USP47: variants seen among roughly 807,000 people sequenced by gnomAD.
USP47 encodes ubiquitin carboxyl-terminal hydrolase 47.
Under a neutral mutation model 165.1 loss-of-function variants are expected in USP47, and 35 were observed. That is an observed-to-expected ratio of 0.21 (90% CI 0.16 to 0.28). The LOEUF (loss-of-function observed/expected upper bound fraction) is 0.28. Among genes scored for constraint, USP47 ranks in the 10% least tolerant of loss-of-function variants. The pLI is 1.00. For synonymous variants in USP47, 531 were observed against 544.5 expected, an observed-to-expected ratio of 0.98 and a Z score of 0.35; for missense variants, 1,277 against 1,607.4, an observed-to-expected ratio of 0.79 and a Z score of 3.52.
chr11:11,852,986 A>G (rs891754112), intron 1 of USP47, among the ~76,000 whole-genome samples: 1 of 152,050 alleles, frequency 6.6e-6, no homozygotes, highest in African/African-American at 2.4e-5. Flanking sequence ...GTGGACTTTT[A>G]TTTTACATGA....
chr11:11,931,122 AG>A (rs1452983266), intron 14 of USP47, among the ~76,000 whole-genome samples: 2 of 152,078 alleles, frequency 1.3e-5, no homozygotes, highest in African/African-American at 4.8e-5. Flanking sequence ...ACAAATATCT[AG>A]GGGGGTGTGT....
In USP47 at chr11:11,957,165, C is replaced by G. The variant is rs1847240976; in HGVS notation, c.*990C>G. The G allele has an allele frequency of 6.6e-6, 1 of 152,128 alleles. No homozygotes were observed. The highest frequency in any genetic ancestry group is 2.1e-4 in the South Asian group (1 of 4,828). 9.4% of individuals were successfully genotyped at this position (152,128 alleles called of 1,614,324 possible). On this transcript the variant is annotated 3_prime_UTR_variant, in exon 28 of 28. Coordinates refer to ENST00000527733, the MANE Select transcript of USP47 (RefSeq NM_001282659.2). Reference sequence around the variant, plus strand: ...TACATCTAGTTTTGAAGATTTACTTCAAGTTTGAATCTTCTAGAATGCTTG... The same window carrying G: ...TACATCTAGTTTTGAAGATTTACTTGAAGTTTGAATCTTCTAGAATGCTTG...
intron 25 of USP47, among the ~76,000 whole-genome samples, chr11:11,953,191 G>C (rs1170039475): frequency 2.0e-5 from 3 of 152,002 alleles, no homozygotes; most frequent in Non-Finnish European, 4.4e-5. Flanking sequence ...AGAGTGAATT[G>C]CTTTATGTCT....
chr11:11,842,976 A>G (rs1448291086), intron 1 of USP47, among the ~76,000 whole-genome samples: 1 of 152,076 alleles, frequency 6.6e-6, no homozygotes, highest in African/African-American at 2.4e-5. Flanking sequence ...TTAGGGTAGA[A>G]TCCAGCACTG....
chr11:11,923,796 C>T (rs1194356255), intron 11 of USP47, among the ~76,000 whole-genome samples: 2 of 152,202 alleles, frequency 1.3e-5, no homozygotes, highest in East Asian at 3.8e-4. Context: ...CTGTTTCATT[C>T]AGGGCAGACA....
At chr11:11,953,384 C>T (rs1364196882) in intron 25 of USP47, among the ~76,000 whole-genome samples, 1 of 151,680 alleles carries the variant, frequency 6.6e-6, no homozygotes, top group Non-Finnish European at 1.5e-5. Flanking sequence ...AAAATAAATT[C>T]TAAATGTATT....
chr11:11,919,592 T>C (rs1236517150), intron 8 of USP47, among the ~76,000 whole-genome samples: 2 of 151,836 alleles, frequency 1.3e-5, no homozygotes, highest in Non-Finnish European at 3.0e-5. Context: ...CATTTCCAAA[T>C]GGAACAGTAT....
chr11:11,892,140 G>A (rs545259218), intron 4 of USP47, 34 bp downstream of exon 4: 525 of 1,592,420 alleles, frequency 3.3e-4, no homozygotes, highest in South Asian at 1.2e-3. Flanking sequence ...AAATCATAGG[G>A]CATTAGATCC....
chr11:11,928,462 T>G (rs367808243), intron 11 of USP47, among the ~76,000 whole-genome samples: 46 of 152,156 alleles, frequency 3.0e-4, no homozygotes, highest in African/African-American at 1.1e-3. Flanking sequence ...TAAGATAAAT[T>G]AGAATTTCTT....
chr11:11,878,468 A>G (rs906884662), intron 1 of USP47, among the ~76,000 whole-genome samples: 19 of 152,152 alleles, frequency 1.2e-4, no homozygotes, highest in African/African-American at 4.1e-4. Flanking sequence ...CAGCATTTTT[A>G]AAAAGATCTA....
intron 10 of USP47, among the ~76,000 whole-genome samples, chr11:11,922,291 C>G (rs913803243): frequency 2.0e-5 from 3 of 151,874 alleles, no homozygotes; most frequent in Admixed American, 2.0e-4. Context: ...ATCTGTAATA[C>G]CTAACGCACT....
chr11:11,852,299 C>A lies in USP47; in HGVS notation c.39+10075C>A, dbSNP rs1332148061. Among the ~76,000 whole-genome samples the A allele has an allele frequency of 4.6e-5, 7 of 151,950 alleles. No individual in the cohort carries two copies. The East Asian group carries it at 1.3e-3, about 29-fold the overall frequency. ...GAGGAGAATTTGTCCTTCCCCCCACCCCCATTTATTTACTTATTTATTTGT... is the reference window on the plus strand; with the variant it reads ...GAGGAGAATTTGTCCTTCCCCCCACACCCATTTATTTACTTATTTATTTGT... On this transcript the variant is annotated intron_variant, in intron 1 of 27. Transcript: ENST00000527733.
intron 5 of USP47, among the ~76,000 whole-genome samples, chr11:11,898,126 CGT>C (rs747874116): frequency 6.6e-6 from 1 of 150,878 alleles, no homozygotes; most frequent in Non-Finnish European, 1.5e-5. Flanking sequence ...GTTTCATGTG[CGT>C]GTGTGTGCGT....
chr11:11,904,858 T>A (rs755546636), intron 7 of USP47, among the ~76,000 whole-genome samples: 8 of 152,182 alleles, frequency 5.3e-5, no homozygotes, highest in Non-Finnish European at 7.4e-5. Flanking sequence ...AATTGTGTTA[T>A]GTATATTACT....
intron 21 of USP47, 23 bp downstream of exon 21, chr11:11,948,143 T>G (rs775128015): frequency 2.5e-6 from 4 of 1,592,016 alleles, no homozygotes; most frequent in Admixed American, 1.8e-5. Context: ...AATCTTCGAG[T>G]AGTTAGAGTC....
At chr11:11,877,805 CTG>C (rs10577564) in intron 1 of USP47, among the ~76,000 whole-genome samples, 430 of 71,104 alleles carry the variant, frequency 6.0e-3, no homozygotes, top group East Asian at 0.018. Flanking sequence ...CTCTCTCTCT[CTG>C]TGTGTGTGTG....
At chr11:11,855,297 A>G (rs754709592) in intron 1 of USP47, among the ~76,000 whole-genome samples, 4 of 152,352 alleles carry the variant, frequency 2.6e-5, no homozygotes, top group Admixed American at 6.5e-5. Flanking sequence ...GATCCATATT[A>G]AGACAGTTTC....
At chr11:11,844,618 G>A (rs960142908) in intron 1 of USP47, among the ~76,000 whole-genome samples, 1 of 152,032 alleles carries the variant, frequency 6.6e-6, no homozygotes, top group Non-Finnish European at 1.5e-5. Flanking sequence ...TAGAGGCTCT[G>A]TAAGAATAGT....
chr11:11,886,955 A>G (rs1851202142), intron 3 of USP47, among the ~76,000 whole-genome samples: 2 of 152,194 alleles, frequency 1.3e-5, no homozygotes, highest in Admixed American at 6.5e-5. Flanking sequence ...GGAATTTCCA[A>G]CCCAAAATTT....
Sources: gnomAD v4.1 joint callset for allele counts (sites outside exome capture counted in the v4.1 genomes callset) on GRCh38, gnomAD v4.1.1 for gene constraint, MANE v1.5 for transcripts, NCBI Gene and HGNC (gene_info 2026-07-23, HGNC 2026-07-21) for gene names.